The following IL1RAPL1 variants were observed in gnomAD, a reference collection of about 807,000 sequenced individuals.
The protein encoded by IL1RAPL1 is interleukin-1 receptor accessory protein-like 1.
A neutral mutation model predicts 48.4 loss-of-function variants in IL1RAPL1; 3 were observed. That is an observed-to-expected ratio of 0.06 (90% CI 0.03 to 0.16). The LOEUF is 0.16. Among genes scored for constraint, IL1RAPL1 ranks in the 10% least tolerant of loss-of-function variants. The pLI is 1.00. For synonymous variants in IL1RAPL1, 185 were observed against 187.7 expected (o/e 0.99, Z 0.12); for missense variants, 349 against 530.6 (o/e 0.66, Z 3.36).
chrX:29,038,644 G>T (rs1008890457), intron 2 of IL1RAPL1, among the ~76,000 whole-genome samples: 22 of 111,773 alleles, frequency 2.0e-4, no homozygotes, highest in African/African-American at 6.8e-4. Flanking sequence ...AAAATATACT[G>T]TTGAGACTTT....
intron 8 of IL1RAPL1, among the ~76,000 whole-genome samples, chrX:29,927,844 A>C (rs756800042): frequency 9.1e-5 from 9 of 98,485 alleles, no homozygotes; most frequent in Admixed American, 9.0e-4. Flanking sequence ...TGGTATGGAA[A>C]TTGAACTGCC....
rs191422036 is a variant in IL1RAPL1 at position 28,616,242 on chromosome X, G to A, written c.-25+28195G>A. 2.2e-3 allele frequency among the ~76,000 whole-genome samples: 244 copies of A among 111,994 alleles called. 1 individual carries two copies. The East Asian group carries it at 0.032, about 15-fold the overall frequency. ...ATTTTGTCATAAAATGAAGTTGAAA[G>A]GGTCTGAATATGTAGACTTCTTACA... On this transcript the variant is annotated intron_variant, in intron 1 of 10. Coordinates refer to ENST00000378993, the MANE Select transcript of IL1RAPL1 (RefSeq NM_014271.4).
chrX:29,675,588 T>C (rs1461456108), intron 6 of IL1RAPL1, among the ~76,000 whole-genome samples: 2 of 111,980 alleles, frequency 1.8e-5, no homozygotes, highest in African/African-American at 6.5e-5. Flanking sequence ...ACCTTTTTCT[T>C]TCTTTTTTTT....
chrX:29,098,251 C>G (rs190000751), intron 2 of IL1RAPL1, among the ~76,000 whole-genome samples: 73 of 110,790 alleles, frequency 6.6e-4, no homozygotes, highest in Middle Eastern at 9.3e-3. Context: ...GTTAGTCATC[C>G]CCATTCCATG....
chrX:28,931,616 AGTATT>A (rs925856689), intron 2 of IL1RAPL1, among the ~76,000 whole-genome samples: 2 of 112,088 alleles, frequency 1.8e-5, no homozygotes, highest in African/African-American at 3.2e-5. Context: ...TATTTGGACA[AGTATT>A]GTATCATTAA....
intron 2 of IL1RAPL1, among the ~76,000 whole-genome samples, chrX:29,254,165 G>A (rs2082786452): frequency 9.0e-6 from 1 of 110,880 alleles, no homozygotes; most frequent in Admixed American, 9.6e-5. Flanking sequence ...TTCAACAACT[G>A]AAAAAGCAAA....
intron 1 of IL1RAPL1, among the ~76,000 whole-genome samples, chrX:28,732,215 A>C (rs1935763778): frequency 1.8e-5 from 2 of 112,396 alleles, no homozygotes; most frequent in Non-Finnish European, 3.7e-5. Context: ...AAATTATGAG[A>C]TCGTTAAATT....
intron 2 of IL1RAPL1, among the ~76,000 whole-genome samples, chrX:29,280,923 C>G (rs1372495310): frequency 8.9e-6 from 1 of 111,999 alleles, no homozygotes; most frequent in Non-Finnish European, 1.9e-5. Flanking sequence ...GAGGGAAGAG[C>G]AAGTTCAAAT....
At chrX:29,060,377 A>G (rs775540519) in intron 2 of IL1RAPL1, among the ~76,000 whole-genome samples, 1 of 111,764 alleles carries the variant, frequency 8.9e-6, no homozygotes, top group South Asian at 3.7e-4. Flanking sequence ...TCTAGCTACC[A>G]AAATATTATG....
chrX:28,877,065 A>T (rs985968521), intron 2 of IL1RAPL1, among the ~76,000 whole-genome samples: 1 of 111,864 alleles, frequency 8.9e-6, no homozygotes, highest in African/African-American at 3.2e-5. Flanking sequence ...CTGACCATGT[A>T]ACAAAATCAC....
intron 6 of IL1RAPL1, among the ~76,000 whole-genome samples, chrX:29,719,939 C>A (rs7892214): frequency 0.081 from 8,886 of 110,320 alleles, 846 homozygotes; most frequent in African/African-American, 0.28. Flanking sequence ...GTTGGCTTAA[C>A]CTTTTCTTGA....
intron 5 of IL1RAPL1, among the ~76,000 whole-genome samples, chrX:29,539,863 A>AT (rs888094750): frequency 5.4e-5 from 6 of 111,354 alleles, no homozygotes; most frequent in African/African-American, 1.3e-4. Flanking sequence ...AGTCCCAGGT[A>AT]TTTTTTTATA....
At chrX:29,662,111 A>C (rs1306818761) in intron 5 of IL1RAPL1, among the ~76,000 whole-genome samples, 2 of 111,939 alleles carry the variant, frequency 1.8e-5, no homozygotes, top group Non-Finnish European at 3.8e-5. Flanking sequence ...TCCATGTTCT[A>C]CAAGGCCCTT....
intron 5 of IL1RAPL1, among the ~76,000 whole-genome samples, chrX:29,402,580 T>G (rs1409644636): frequency 2.7e-5 from 3 of 111,829 alleles, no homozygotes; most frequent in Non-Finnish European, 5.6e-5. Context: ...CCCCCTGTTA[T>G]TCACATCTAA....
chrX:29,740,481 C>T (rs1421007586), intron 6 of IL1RAPL1, among the ~76,000 whole-genome samples: 2 of 111,913 alleles, frequency 1.8e-5, no homozygotes, highest in Non-Finnish European at 3.8e-5. Flanking sequence ...ATTCAATCTC[C>T]AATCCCATCA....
chrX:29,821,389 G>T (rs1044007579), intron 6 of IL1RAPL1, among the ~76,000 whole-genome samples: 1 of 110,782 alleles, frequency 9.0e-6, no homozygotes, highest in Non-Finnish European at 1.9e-5. Context: ...GGTGGAGCTT[G>T]CAGTGAGCCA....
intron 2 of IL1RAPL1, among the ~76,000 whole-genome samples, chrX:28,992,319 A>G (rs922532093): frequency 6.4e-5 from 7 of 109,446 alleles, no homozygotes; most frequent in Non-Finnish European, 1.1e-4. Context: ...GTGAAACCCC[A>G]TCTCTACTAA....
intron 5 of IL1RAPL1, among the ~76,000 whole-genome samples, chrX:29,565,213 T>C (rs1462525014): frequency 1.8e-5 from 2 of 111,068 alleles, no homozygotes; most frequent in African/African-American, 3.3e-5. Flanking sequence ...AGAAAACAGA[T>C]AACAAATCAA....
intron 2 of IL1RAPL1, among the ~76,000 whole-genome samples, chrX:29,111,060 T>G (rs1928555101): frequency 9.0e-6 from 1 of 111,654 alleles, no homozygotes; most frequent in South Asian, 3.7e-4. Flanking sequence ...AATTTTTTAT[T>G]ATGTAATCAT....
Sources: allele counts gnomAD v4.1 joint callset (sites outside exome capture counted in the v4.1 genomes callset), GRCh38; gene constraint gnomAD v4.1.1; transcripts MANE v1.5; gene names NCBI Gene and HGNC (gene_info 2026-07-23, HGNC 2026-07-21).